ROGDI: variants seen among roughly 807,000 people sequenced by gnomAD.
The protein encoded by ROGDI is protein rogdi homolog.
In ROGDI, 46 loss-of-function variants were observed where a neutral mutation model predicts 43.1. That is an observed-to-expected ratio of 1.07 (90% CI 0.84 to 1.37). The LOEUF (loss-of-function observed/expected upper bound fraction) is 1.37, where lower values mean the gene tolerates loss of function less well. Among genes scored for constraint, ROGDI ranks in the 40% most tolerant of loss-of-function variants. The pLI, the probability that ROGDI is intolerant of heterozygous loss-of-function variation, is 0.00. For synonymous variants in ROGDI, 243 were observed against 162.0 expected (o/e 1.50, Z -3.80); for missense variants, 518 against 383.9 (o/e 1.35, Z -2.92).
At position 4,801,587 on chromosome 16, in the gene ROGDI, T is replaced by G. The variant is rs1060502981; in HGVS notation, c.118-2A>C. ...CAGAGTGAAGCGCAGAGAGGCCTCCTGTGGAACAGAGGGAAGGAGGGGAGC... is the reference window on the plus strand; with the variant it reads ...CAGAGTGAAGCGCAGAGAGGCCTCCGGTGGAACAGAGGGAAGGAGGGGAGC... On this transcript the variant is annotated splice_acceptor_variant, in intron 2 of 10. Transcript: ENST00000322048. LOFTEE classifies it high-confidence loss of function. 2 of 1,594,070 alleles carry G rather than the reference T, an allele frequency of 1.3e-6. No individual in the cohort carries two copies. The highest frequency in any genetic ancestry group is 1.8e-5 in the Admixed American group (1 of 56,574).
intron 3 of ROGDI, 81 bp from the exon 4 acceptor site, chr16:4,801,402 G>T: frequency 6.4e-7 from 1 of 1,560,734 alleles, no homozygotes; most frequent in Non-Finnish European, 8.7e-7. Flanking sequence ...TGCCCCTCCT[G>T]TCCCATCGCA....
At position 4,799,762 on chromosome 16, in the gene ROGDI, T is replaced by C. The variant is rs905717859; in HGVS notation, c.356A>G (p.His119Arg). Residue 119 changes from histidine (H) to arginine (R), a missense_variant, in exon 6 of 11, where the codon CAT becomes CGT. Transcript: ENST00000322048. ...AAGCAGGTAAATGGCTTGGCTCACATGGTTTCTGGCATCCTGGATCTGGAA... is the reference window on the plus strand; with the variant it reads ...AAGCAGGTAAATGGCTTGGCTCACACGGTTTCTGGCATCCTGGATCTGGAA... ...KLQQIQDARN[H>R]VSQAIYLLTS... The C allele has an allele frequency of 1.2e-6, 2 of 1,613,260 alleles. No homozygotes were observed. The highest frequency in any genetic ancestry group is 2.7e-5 in the African/African-American group (2 of 74,840).
chr16:4,801,187 G>GGCTT, intron 4 of ROGDI, 80 bp downstream of exon 4: 1 of 1,251,482 alleles, frequency 8.0e-7, no homozygotes, highest in Admixed American at 2.3e-5. Context: ...AGAGTCGCAG[G>GGCTT]GCTTGTACAG....
intron 6 of ROGDI, among the ~76,000 whole-genome samples, chr16:4,799,157 C>T (rs1398261727): frequency 6.6e-6 from 1 of 152,160 alleles, no homozygotes; most frequent in Non-Finnish European, 1.5e-5. Flanking sequence ...CTCAGAGCCC[C>T]AGCTTTCGTG....
In ROGDI at chr16:4,802,391, G is replaced by T; in HGVS notation, c.108C>A (p.Asp36Glu). The stretch of plus-strand genomic sequence containing the variant: ...GGGCGCGGGTCGTTACCTTGAGGAT[G>T]TCCTGCAGCTGCTTCAACACAGCGT... Reference protein sequence around the residue: ...EVHAVLKQLQDILKEASLRFT... With the variant: ...EVHAVLKQLQEILKEASLRFT... The change falls in exon 2 of 11, where the codon GAC becomes GAA. Residue 36 changes from aspartate to glutamate, a missense_variant. Physicochemically the swap from Asp to Glu is conservative, Grantham distance 45 (BLOSUM62 2). Transcript: ENST00000322048. The T allele has an allele frequency of 1.9e-6, 3 of 1,570,928 alleles. No individual in the cohort carries two copies. Among genetic ancestry groups the T allele is most frequent in the Middle Eastern group, 1.7e-4 (1 of 5,868 alleles).
At chr16:4,798,292 C>G (rs542174489) in intron 7 of ROGDI, 108 bp from the exon 8 acceptor site, 2 of 918,402 alleles carry the variant, frequency 2.2e-6, no homozygotes, top group Non-Finnish European at 3.4e-6. Flanking sequence ...AGTCCCCACC[C>G]CAGAGATGCT....
chr16:4,797,984 A>G lies in ROGDI; in HGVS notation c.649T>C (p.Phe217Leu), dbSNP rs2082673849. The stretch of plus-strand genomic sequence containing the variant: ...AGCACCGCGCCCCCAGCTGGGCGGA[A>G]GTTCTAGGGAGAACAGCACCAGACC... ...HALQPNSTKN[F>L]RPAGGAVLHS... The change falls in exon 9 of 11, where the codon TTC becomes CTC. Residue 217 changes from phenylalanine (F) to leucine (L), a missense_variant. Phe to Leu is a conservative substitution (Grantham distance 22). Coordinates refer to ENST00000322048, the MANE Select transcript of ROGDI (RefSeq NM_024589.3). 6.2e-7 allele frequency: 1 copy of G among 1,608,656 alleles called. No homozygotes were observed. Among genetic ancestry groups the G allele is most frequent in the African/African-American group, 1.3e-5 (1 of 74,812 alleles).
chr16:4,797,137 A>C lies in ROGDI; in HGVS notation c.*323T>G. On this transcript the variant is annotated 3_prime_UTR_variant, in exon 11 of 11. Transcript: ENST00000322048. The stretch of plus-strand genomic sequence containing the variant: ...ACACCATGCCCTCCAGGGGGAGGGG[A>C]CAGCGAAGGGGAGAGGAGGGAGAGC... The C allele has an allele frequency of 3.3e-6, 1 of 299,148 alleles. No individual in the cohort carries two copies. The highest frequency in any genetic ancestry group is 6.9e-5 in the East Asian group (1 of 14,510). 18.5% of individuals were successfully genotyped at this position (299,148 alleles called of 1,614,324 possible). A position where few individuals can be genotyped will look rare whatever the true frequency, so the allele number is the denominator to read the frequency against.
At position 4,800,503 on chromosome 16, in the gene ROGDI, G is replaced by A; in HGVS notation, c.331C>T (p.Gln111Ter). ...GCCAGGAGGGGCGGGGTCACCTGCTGCAGCTTCCACTGCTTGTCCTCCCGG... is the reference window on the plus strand; with the variant it reads ...GCCAGGAGGGGCGGGGTCACCTGCTACAGCTTCCACTGCTTGTCCTCCCGG... Reference protein sequence around the residue: ...AFREDKQWKLQQIQDARNHVS... With the variant: ...AFREDKQWKL The change falls in exon 5 of 11, where the codon CAG (glutamine) becomes TAG (stop). Residue 111 changes from glutamine (Q) to a stop codon, truncating the protein, a stop_gained. Coordinates refer to ENST00000322048, the MANE Select transcript of ROGDI (RefSeq NM_024589.3). LOFTEE classifies it high-confidence loss of function. 1 of 1,555,074 alleles carries A rather than the reference G, an allele frequency of 6.4e-7. No homozygotes were observed. The highest frequency in any genetic ancestry group is 8.7e-7 in the Non-Finnish European group (1 of 1,148,622).
rs781477170 is a variant in ROGDI at position 4,801,553 on chromosome 16, G to A, written c.150C>T (p.Ser50=). The A allele has an allele frequency of 3.1e-6, 5 of 1,606,250 alleles. No individual in the cohort carries two copies. Among genetic ancestry groups the A allele is most frequent in the African/African-American group, 1.3e-5 (1 of 75,006 alleles). ...CTTGCTTGGCGGGCCCCTCAGTGCC[G>A]GAGCCCGGCAGAGTGAAGCGCAGAG... is the stretch of plus-strand genomic sequence containing the variant. ...EASLRFTLPG[S]GTEGPAKQEN... is the part of the protein sequence containing the mutation. Residue 50 remains serine, a synonymous_variant, in exon 3 of 11, where the codon TCC becomes TCT. Transcript: ENST00000322048.
At chr16:4,800,472 G>A in intron 5 of ROGDI, 26 bp downstream of exon 5, 1 of 1,539,706 alleles carries the variant, frequency 6.5e-7, no homozygotes, top group Non-Finnish European at 8.8e-7. Context: ...TTGTGGCTGA[G>A]CACTAGCCAG....
At chr16:4,800,425 C>T (rs2082700611) in intron 5 of ROGDI, 73 bp downstream of exon 5, 1 of 1,256,602 alleles carries the variant, frequency 8.0e-7, no homozygotes, top group Non-Finnish European at 1.1e-6. Context: ...AGTCCCTCTC[C>T]AGGGAGGCCC....
At position 4,802,381 on chromosome 16, in the gene ROGDI, C is replaced by G. The variant is rs570952151; in HGVS notation, c.117+1G>C. On this transcript the variant is annotated splice_donor_variant, in intron 2 of 10. Coordinates refer to ENST00000322048, the MANE Select transcript of ROGDI (RefSeq NM_024589.3). LOFTEE classifies it high-confidence loss of function. ...CGGCGGGGCAGGGCGCGGGTCGTTA[C>G]CTTGAGGATGTCCTGCAGCTGCTTC... 3 of 1,570,368 alleles carry G rather than the reference C, an allele frequency of 1.9e-6. No individual in the cohort carries two copies. The highest frequency in any genetic ancestry group is 1.4e-5 in the African/African-American group (1 of 73,330).
At chr16:4,802,481 C>T (rs1353397765) in intron 1 of ROGDI, 28 bp from the exon 2 acceptor site, 3 of 1,222,116 alleles carry the variant, frequency 2.5e-6, no homozygotes, top group African/African-American at 1.6e-5. Context: ...CGGTCGCGCC[C>T]GGCCCCGCCG....
At chr16:4,801,230 T>C (rs759638934) in intron 4 of ROGDI, 37 bp downstream of exon 4, 1 of 1,554,238 alleles carries the variant, frequency 6.4e-7, no homozygotes, top group Non-Finnish European at 8.8e-7. Context: ...CTCTTCCCCA[T>C]TGGCAGGATG....
Position 4,798,556 on chromosome 16 carries a change from CA to C in ROGDI, c.531+12del, listed in dbSNP as rs758007941. The C allele has an allele frequency of 1.9e-6, 3 of 1,538,722 alleles. No homozygotes were observed. The highest frequency in any genetic ancestry group is 2.7e-5 in the African/African-American group (2 of 73,932). On this transcript the variant is annotated intron_variant, in intron 7 of 10. Transcript: ENST00000322048. ...ACCCCTCTCCTGCAGCAGGGGCTGG[CA>C]GGGGCACTGACCGTGAGGCCGCTGG...
chr16:4,797,907 G>T, intron 9 of ROGDI, 31 bp downstream of exon 9: 1 of 1,600,682 alleles, frequency 6.2e-7, no homozygotes, highest in Non-Finnish European at 8.5e-7. Context: ...TGGGGTGGGC[G>T]TGCCTGGACC....
intron 4 of ROGDI, 151 bp from the exon 5 acceptor site, chr16:4,800,729 G>A (rs1461851129): frequency 1.9e-5 from 12 of 623,014 alleles, no homozygotes; most frequent in South Asian, 5.8e-5. Flanking sequence ...TGCCTTGGCC[G>A]TTTGGGGGTT....
chr16:4,799,744 T>A lies in ROGDI; in HGVS notation c.374A>T (p.Tyr125Phe). The change falls in exon 6 of 11, where the codon TAC (tyrosine) becomes TTC (phenylalanine). Residue 125 changes from tyrosine (Y) to phenylalanine (F), a missense_variant. Coordinates refer to ENST00000322048, the MANE Select transcript of ROGDI (RefSeq NM_024589.3). Reference protein sequence around the residue: ...DARNHVSQAIYLLTSRDQSYQ... With the variant: ...DARNHVSQAIFLLTSRDQSYQ... ...GCTCTGGTCCCGGCTGGTAAGCAGG[T>A]AAATGGCTTGGCTCACATGGTTTCT... 6.2e-7 allele frequency: 1 copy of A among 1,613,520 alleles called. No individual in the cohort carries two copies. Among genetic ancestry groups the A allele is most frequent in the South Asian group, 1.1e-5 (1 of 91,034 alleles).
Sources: gnomAD v4.1 joint callset for allele counts (sites outside exome capture counted in the v4.1 genomes callset) on GRCh38, gnomAD v4.1.1 for gene constraint, MANE v1.5 for transcripts, NCBI Gene and HGNC (gene_info 2026-07-23, HGNC 2026-07-21) for gene names.